The following PTPRT variants were observed in gnomAD, a reference collection of about 807,000 sequenced individuals.
The protein encoded by PTPRT is protein tyrosine phosphatase receptor type T.
PTPRT carries 56 observed loss-of-function variants against 176.8 expected under a neutral mutation model. The observed-to-expected ratio is 0.32, with a 90% CI of 0.26 to 0.40. PTPRT has a LOEUF of 0.40. PTPRT is among the 10% of genes least tolerant of loss of function. The probability of loss-of-function intolerance (pLI) is 1.00; values close to 1 mark genes in which losing one functional copy is unlikely to be tolerated. For synonymous variants in PTPRT, 783 were observed against 739.0 expected (o/e 1.06, Z -0.96); for missense variants, 1,540 against 1,908.2 (o/e 0.81, Z 3.60).
At chr20:43,186,915 A>G (rs568412235) in intron 1 of PTPRT, among the ~76,000 whole-genome samples, 1 of 152,228 alleles carries the variant, frequency 6.6e-6, no homozygotes, top group Non-Finnish European at 1.5e-5. Context: ...TGGATTCTGA[A>G]ACCCACTAGT....
chr20:43,188,014 G>A (rs994547261), intron 1 of PTPRT, among the ~76,000 whole-genome samples: 4 of 152,156 alleles, frequency 2.6e-5, no homozygotes, highest in African/African-American at 9.7e-5. Context: ...ACCCAAGAAC[G>A]ATTCGAGACC....
At chr20:42,994,142 C>G (rs1984101635) in intron 1 of PTPRT, among the ~76,000 whole-genome samples, 1 of 152,168 alleles carries the variant, frequency 6.6e-6, no homozygotes, top group Non-Finnish European at 1.5e-5. Flanking sequence ...TTGATCTCTC[C>G]CTAGGCACAT....
chr20:43,128,358 T>C (rs967368926), intron 1 of PTPRT, among the ~76,000 whole-genome samples: 10 of 152,248 alleles, frequency 6.6e-5, no homozygotes, highest in Non-Finnish European at 1.5e-4. Flanking sequence ...CTCAGTCTTG[T>C]CTTGGACCAA....
intron 7 of PTPRT, among the ~76,000 whole-genome samples, chr20:42,674,386 T>C (rs1432862725): frequency 6.6e-6 from 1 of 152,362 alleles, no homozygotes; most frequent in Non-Finnish European, 1.5e-5. Context: ...TACACAGTCA[T>C]GGCAACAGTT....
At chr20:42,717,074 A>C (rs1010203682) in intron 6 of PTPRT, among the ~76,000 whole-genome samples, 6 of 152,038 alleles carry the variant, frequency 3.9e-5, no homozygotes, top group Non-Finnish European at 7.4e-5. Flanking sequence ...ATTAGGAGAT[A>C]TACCTAATGT....
chr20:42,095,040 T>C (rs1040140342), intron 27 of PTPRT, among the ~76,000 whole-genome samples: 1 of 152,106 alleles, frequency 6.6e-6, no homozygotes, highest in African/African-American at 2.4e-5. Context: ...TTCCTCTTTC[T>C]CTCTCTTATT....
chr20:42,757,544 T>C (rs772033519), intron 5 of PTPRT, among the ~76,000 whole-genome samples: 1 of 152,220 alleles, frequency 6.6e-6, no homozygotes, highest in Non-Finnish European at 1.5e-5. Flanking sequence ...AAAAGCCACG[T>C]TCAGCTCACA....
intron 9 of PTPRT, among the ~76,000 whole-genome samples, chr20:42,364,344 C>T (rs1600897320): frequency 6.6e-6 from 1 of 152,154 alleles, no homozygotes; most frequent in African/African-American, 2.4e-5. Flanking sequence ...TTCTCCCCCA[C>T]TAAATTAGGC....
intron 9 of PTPRT, among the ~76,000 whole-genome samples, chr20:42,397,362 C>T (rs6030209): frequency 0.16 from 25,048 of 152,054 alleles, 2,562 homozygotes; most frequent in African/African-American, 0.28. Flanking sequence ...AGGTATACTG[C>T]GTGATGCTGA....
chr20:42,287,621 T>G (rs1271759242), intron 12 of PTPRT, among the ~76,000 whole-genome samples: 1 of 151,870 alleles, frequency 6.6e-6, no homozygotes, highest in Non-Finnish European at 1.5e-5. Context: ...GATACAAGAT[T>G]ATACCTAGAT....
At chr20:42,931,834 AGGT>A (rs1226604419) in intron 1 of PTPRT, among the ~76,000 whole-genome samples, 6 of 152,216 alleles carry the variant, frequency 3.9e-5, no homozygotes, top group African/African-American at 1.4e-4. Flanking sequence ...GTGGGGAGGT[AGGT>A]GCCAGAGACA....
At chr20:42,946,265 A>AC (rs1390332686) in intron 1 of PTPRT, among the ~76,000 whole-genome samples, 1 of 152,138 alleles carries the variant, frequency 6.6e-6, no homozygotes, top group African/African-American at 2.4e-5. Context: ...ACAATGAATC[A>AC]CCCTGAGGAG....
At chr20:42,148,558 T>C (rs904317656) in intron 17 of PTPRT, among the ~76,000 whole-genome samples, 4 of 151,794 alleles carry the variant, frequency 2.6e-5, no homozygotes, top group Non-Finnish European at 4.4e-5. Flanking sequence ...AGGGACTAGA[T>C]AGGGTGGTGT....
intron 7 of PTPRT, among the ~76,000 whole-genome samples, chr20:42,588,811 CTAAG>C (rs921549098): frequency 2.0e-5 from 3 of 152,126 alleles, no homozygotes; most frequent in South Asian, 4.1e-4. Flanking sequence ...TAATACCTAA[CTAAG>C]TGTTTATTGT....
At chr20:42,277,274 G>C (rs1333600384) in intron 13 of PTPRT, among the ~76,000 whole-genome samples, 1 of 152,072 alleles carries the variant, frequency 6.6e-6, no homozygotes, top group Non-Finnish European at 1.5e-5. Flanking sequence ...TCTGCAAATG[G>C]CTTTATGGGT....
At chr20:42,835,519 C>T (rs2078166248) in intron 2 of PTPRT, among the ~76,000 whole-genome samples, 1 of 152,036 alleles carries the variant, frequency 6.6e-6, no homozygotes, top group South Asian at 2.1e-4. Context: ...GAAACAGCAG[C>T]AAAAGGAGCT....
chr20:42,985,606 G>A (rs1983528423), intron 1 of PTPRT, among the ~76,000 whole-genome samples: 1 of 152,044 alleles, frequency 6.6e-6, no homozygotes, highest in African/African-American at 2.4e-5. Context: ...GGGTAGGGGT[G>A]GGAAACAGAT....
chr20:42,143,797 G>A (rs1272269996), intron 17 of PTPRT, among the ~76,000 whole-genome samples: 4 of 152,162 alleles, frequency 2.6e-5, no homozygotes, highest in Admixed American at 2.6e-4. Context: ...ACAATCAAGG[G>A]AATGAAGTCA....
rs558111750 is a variant in PTPRT, at chr20:42,761,570, A to G, written c.685-4934T>C. 5.3e-5 allele frequency among the ~76,000 whole-genome samples: 8 copies of G among 152,352 alleles called. No homozygotes were observed. The East Asian group carries it at 1.5e-3, about 29-fold the overall frequency. ...TTAACAAACCTTCCTGGGGATTCCA[A>G]TGTCTGATAAAGTGTGAGATAAGTC... On this transcript the variant is annotated intron_variant, in intron 5 of 30. Transcript: ENST00000373187.
Sources: allele counts gnomAD v4.1 joint callset (sites outside exome capture counted in the v4.1 genomes callset), GRCh38; gene constraint gnomAD v4.1.1; transcripts MANE v1.5; gene names NCBI Gene and HGNC (gene_info 2026-07-23, HGNC 2026-07-21).